SIN3A: variants seen among roughly 807,000 people sequenced by gnomAD.
SIN3A encodes SIN3 transcription regulator family member A.
Under a neutral mutation model 146.1 loss-of-function variants are expected in SIN3A, and 14 were observed. The ratio of observed to expected loss-of-function variants is 0.10; its 90% CI spans 0.06 to 0.15. The LOEUF is 0.15. SIN3A is among the 10% of genes least tolerant of loss of function. The probability of loss-of-function intolerance (pLI) is 1.00; values close to 1 mark genes in which losing one functional copy is unlikely to be tolerated. For missense variants in SIN3A, 1,028 were observed against 1,576.0 expected (o/e 0.65, Z 5.89); for synonymous variants, 572 against 572.0 (o/e 1.00, Z 0.00).
chr15:75,384,387 G>A lies in SIN3A; in HGVS notation c.3072C>T (p.Tyr1024=). 1.9e-6 allele frequency: 3 copies of A among 1,613,796 alleles called. No homozygotes were observed. Among genetic ancestry groups the A allele is most frequent in the Non-Finnish European group, 2.5e-6 (3 of 1,179,776 alleles). The part of the protein sequence containing the change: ...DEICVQVTDL[Y]LAENNNGATG... ...TGGCCCCATTATTATTTTCTGCCAG[G>A]TAAAGGTCAGTCACCTGCACACAGA... The change falls in exon 17 of 21, where the codon TAC becomes TAT. Residue 1024 remains tyrosine, a synonymous_variant. Coordinates refer to ENST00000394947, the MANE Select transcript of SIN3A (RefSeq NM_001145358.2).
At chr15:75,402,557 T>G (rs933349809) in intron 9 of SIN3A, among the ~76,000 whole-genome samples, 10 of 152,096 alleles carry the variant, frequency 6.6e-5, no homozygotes, top group African/African-American at 2.4e-4. Flanking sequence ...AAATTTAAAC[T>G]GATATTTGAT....
chr15:75,421,251 T>C (rs752324854), intron 3 of SIN3A: 10 of 152,152 alleles, frequency 6.6e-5, no homozygotes, highest in Admixed American at 3.3e-4. Context: ...CCCGCAGCAA[T>C]AATACATTTT....
At chr15:75,434,632 A>AAGAGCAAAACTCC (rs1480637501) in intron 1 of SIN3A, among the ~76,000 whole-genome samples, 1 of 150,224 alleles carries the variant, frequency 6.7e-6, no homozygotes. Flanking sequence ...CCTGGGCAAT[A>AAGAGCAAAACTCC]GAGTGGAACT....
chr15:75,450,828 C>T (rs951645734), intron 1 of SIN3A, among the ~76,000 whole-genome samples: 2 of 152,228 alleles, frequency 1.3e-5, no homozygotes, highest in African/African-American at 4.8e-5. Context: ...AGCGGGCTTT[C>T]CCTAGCACCT....
chr15:75,405,680 G>A (rs1202724844), intron 9 of SIN3A, among the ~76,000 whole-genome samples: 5 of 152,156 alleles, frequency 3.3e-5, no homozygotes, highest in African/African-American at 1.2e-4. Context: ...GAGCCAGGGA[G>A]GCGGAGGTTG....
intron 18 of SIN3A, chr15:75,380,953 G>A: frequency 2.5e-6 from 1 of 399,726 alleles, no homozygotes; most frequent in East Asian, 3.9e-5. Flanking sequence ...GTTATGAGAA[G>A]TCATAAACAG....
intron 15 of SIN3A, among the ~76,000 whole-genome samples, chr15:75,391,422 A>T (rs1302814185): frequency 6.6e-6 from 1 of 152,166 alleles, no homozygotes; most frequent in East Asian, 1.9e-4. Context: ...AAAAGCTTTC[A>T]GAATTATTTT....
At chr15:75,401,052 T>G in intron 10 of SIN3A, 112 bp from the exon 11 acceptor site, 1 of 713,650 alleles carries the variant, frequency 1.4e-6, no homozygotes, top group Non-Finnish European at 2.4e-6. Context: ...AGGGATGAAT[T>G]ATTTCCTGCC....
At chr15:75,427,234 A>G (rs563468841) in intron 2 of SIN3A, among the ~76,000 whole-genome samples, 8 of 152,146 alleles carry the variant, frequency 5.3e-5, no homozygotes, top group Admixed American at 5.2e-4. Context: ...TTAGCCGGGC[A>G]TGGTGGCTTG....
At chr15:75,446,818 C>G (rs2074316240) in intron 1 of SIN3A, among the ~76,000 whole-genome samples, 1 of 152,070 alleles carries the variant, frequency 6.6e-6, no homozygotes, top group Non-Finnish European at 1.5e-5. Flanking sequence ...GTCGCCCAGG[C>G]TAGAGTGCAG....
At position 75,392,449 on chromosome 15, in the gene SIN3A, C is replaced by A; in HGVS notation, c.2644G>T (p.Val882Leu). The change falls in exon 15 of 21, where the codon GTA (valine) becomes TTA (leucine). Residue 882 changes from valine (V) to leucine (L), a missense_variant. Val to Leu is a conservative substitution (Grantham distance 32, BLOSUM62 1). Around this residue, in one of 9 missense-constraint regions of SIN3A, gnomAD observed 488 missense variants for 690.2 expected, o/e 0.71. Coordinates refer to ENST00000394947, the MANE Select transcript of SIN3A (RefSeq NM_001145358.2). ...AAQKLRGMDE[V>L]YNLFYVNNNW... ...TTGTTGACATAGAAGAGGTTGTATA[C>A]TTCATCCATTCCTCTTAATTTTTGA... 1 of 1,614,078 alleles carries A rather than the reference C, an allele frequency of 6.2e-7. No individual in the cohort carries two copies. Among genetic ancestry groups the A allele is most frequent in the Non-Finnish European group, 8.5e-7 (1 of 1,179,954 alleles).
At chr15:75,424,833 T>C (rs2073898497) in intron 2 of SIN3A, among the ~76,000 whole-genome samples, 1 of 152,154 alleles carries the variant, frequency 6.6e-6, no homozygotes, top group Non-Finnish European at 1.5e-5. Context: ...GCTCTAATAG[T>C]TTCTAAACAA....
chr15:75,396,664 C>G lies in SIN3A; in HGVS notation c.1855-168G>C, dbSNP rs564717958. Among the ~76,000 whole-genome samples, 5 of 152,278 alleles carry G rather than the reference C, an allele frequency of 3.3e-5. No homozygotes were observed. The East Asian group carries it at 9.6e-4, about 29-fold the overall frequency. On this transcript the variant is annotated intron_variant, in intron 12 of 20. Coordinates refer to ENST00000394947, the MANE Select transcript of SIN3A (RefSeq NM_001145358.2). ...TATCAGCAAAATAGGGATAACAGCA[C>G]CTATTACTCTCACAACCCTGTGTCT...
At position 75,384,402 on chromosome 15, in the gene SIN3A, C is replaced by T; in HGVS notation, c.3057G>A (p.Gln1019=). 1 of 1,613,694 alleles carries T rather than the reference C, an allele frequency of 6.2e-7. No homozygotes were observed. Among genetic ancestry groups the T allele is most frequent in the East Asian group, 2.2e-5 (1 of 44,876 alleles). ...TTTCTGCCAGGTAAAGGTCAGTCAC[C>T]TGCACACAGATCTCATCACTCACGA... is the stretch of plus-strand genomic sequence containing the variant. ...QHIVSDEICV[Q]VTDLYLAENN... is the part of the protein sequence containing the mutation. Residue 1019 remains glutamine, a synonymous_variant, in exon 17 of 21, where the codon CAG becomes CAA. Coordinates refer to ENST00000394947, the MANE Select transcript of SIN3A (RefSeq NM_001145358.2).
chr15:75,449,526 C>G (rs1471006572), intron 1 of SIN3A, among the ~76,000 whole-genome samples: 1 of 152,190 alleles, frequency 6.6e-6, no homozygotes, highest in Non-Finnish European at 1.5e-5. Context: ...TAATGTGGTT[C>G]TGCTATCTAA....
In SIN3A at chr15:75,371,210, TTG is replaced by T. The variant is rs143718821; in HGVS notation, c.*767_*768del. ...TTATGTACAAAAAAACAAGTTAAAA[TTG>T]TGTGTGTGTGTGCGTGTGTGTGTCA... On this transcript the variant is annotated 3_prime_UTR_variant, in exon 21 of 21. Coordinates refer to ENST00000394947, the MANE Select transcript of SIN3A (RefSeq NM_001145358.2). 8.4e-3 allele frequency: 1,282 copies of T among 152,196 alleles called. 32 individuals carry two copies. The East Asian group carries it at 0.1, about 12-fold the overall frequency. The allele number at this position is 152,196 out of a possible 1,614,324, so 9.4% of individuals were successfully genotyped here. A position where few individuals can be genotyped will look rare whatever the true frequency, so the allele number is the denominator to read the frequency against.
chr15:75,421,032 AGGTG>A (rs950479206), intron 3 of SIN3A: 2 of 152,250 alleles, frequency 1.3e-5, no homozygotes, highest in African/African-American at 4.8e-5. Flanking sequence ...CCTGTGAGGA[AGGTG>A]GGTAAAAACT....
Position 75,418,816 on chromosome 15 carries a change from G to A in SIN3A, c.366+3831C>T, listed in dbSNP as rs913345995. On this transcript the variant is annotated intron_variant, in intron 3 of 20. Transcript: ENST00000394947. ...ATCGCCCAGGCTGGAGTGCAGTGGC[G>A]CTTTCCCGGCTCACCGCAAGCTCTG... is the stretch of plus-strand genomic sequence containing the variant. Among the ~76,000 whole-genome samples, 6 of 151,882 alleles carry A rather than the reference G, an allele frequency of 4.0e-5. No homozygotes were observed. The South Asian group carries it at 1.0e-3, about 26-fold the overall frequency.
rs186543338 is a variant in SIN3A at position 75,370,881 on chromosome 15, G to A, written c.*1098C>T. The A allele has an allele frequency of 4.6e-5, 7 of 151,526 alleles. No homozygotes were observed. In the East Asian group the frequency reaches 1.4e-3, roughly 30 times the overall value. The allele number at this position is 151,526 out of a possible 1,614,324, so 9.4% of individuals were successfully genotyped here. A position where few individuals can be genotyped will look rare whatever the true frequency, so the allele number is the denominator to read the frequency against. On this transcript the variant is annotated 3_prime_UTR_variant, in exon 21 of 21. Transcript: ENST00000394947. Reference sequence around the variant, plus strand: ...ATAAGGAACTGAAGTCAAAATCCCTGCTTCACAGTATTTTCTGGTGAGGAC... The same window carrying A: ...ATAAGGAACTGAAGTCAAAATCCCTACTTCACAGTATTTTCTGGTGAGGAC...
Sources: allele counts gnomAD v4.1 joint callset (sites outside exome capture counted in the v4.1 genomes callset), GRCh38; gene constraint gnomAD v4.1.1; regional missense constraint gnomAD v4.1.1; transcripts MANE v1.5; gene names NCBI Gene and HGNC (gene_info 2026-07-23, HGNC 2026-07-21).